Variants in RSPO2 observed in about 807,000 individuals in gnomAD.
The protein encoded by RSPO2 is R-spondin-2.
In RSPO2, 14 loss-of-function variants were observed where a neutral mutation model predicts 30.9. That is an observed-to-expected ratio of 0.45 (90% CI 0.30 to 0.71). The LOEUF (loss-of-function observed/expected upper bound fraction) is 0.71. Ranked by LOEUF, RSPO2 falls within the 30% of genes least tolerant of loss-of-function variation. The pLI, the probability that RSPO2 is intolerant of heterozygous loss-of-function variation, is 0.08. For missense variants in RSPO2, 264 were observed against 301.9 expected, an observed-to-expected ratio of 0.87 and a Z score of 0.93; for synonymous variants, 107 against 96.4, an observed-to-expected ratio of 1.11 and a Z score of -0.64.
At chr8:108,066,640 G>A (rs759960891) in intron 2 of RSPO2, among the ~76,000 whole-genome samples, 3 of 151,962 alleles carry the variant, frequency 2.0e-5, no homozygotes, top group Non-Finnish European at 4.4e-5. Context: ...TAAAATGGAA[G>A]AAAATAAGCT....
intron 2 of RSPO2, among the ~76,000 whole-genome samples, chr8:108,035,308 T>G (rs982807950): frequency 4.6e-5 from 7 of 152,304 alleles, no homozygotes; most frequent in South Asian, 4.1e-4. Context: ...ACTCTTTTTT[T>G]GGGGGGTTTT....
intron 2 of RSPO2, among the ~76,000 whole-genome samples, chr8:108,000,061 C>A (rs1247755721): frequency 2.0e-5 from 3 of 152,150 alleles, no homozygotes; most frequent in African/African-American, 7.2e-5. Flanking sequence ...TAAGACGTCA[C>A]AGGGCAGCTC....
At chr8:108,003,234 T>A (rs1455695162) in intron 2 of RSPO2, among the ~76,000 whole-genome samples, 2 of 44,460 alleles carry the variant, frequency 4.5e-5, no homozygotes, top group African/African-American at 5.6e-4. Context: ...TATGTGTGTG[T>A]ATATATGTAT....
chr8:108,078,611 T>C (rs1173262537), intron 2 of RSPO2, among the ~76,000 whole-genome samples: 4 of 152,170 alleles, frequency 2.6e-5, no homozygotes, highest in Non-Finnish European at 5.9e-5. Flanking sequence ...TAAGAGAAAA[T>C]GTTTGCTTTC....
chr8:108,012,197 A>G (rs527641138), intron 2 of RSPO2, among the ~76,000 whole-genome samples: 2 of 152,302 alleles, frequency 1.3e-5, no homozygotes, highest in Non-Finnish European at 1.5e-5. Flanking sequence ...CTGGTTTTTT[A>G]AACTACAGCA....
intron 2 of RSPO2, among the ~76,000 whole-genome samples, chr8:108,009,964 A>G (rs1810646166): frequency 6.6e-6 from 1 of 152,094 alleles, no homozygotes; most frequent in African/African-American, 2.4e-5. Context: ...CAGGAGGATC[A>G]CTTGAGCTTG....
At chr8:107,985,615 T>C (rs1814597436) in intron 3 of RSPO2, among the ~76,000 whole-genome samples, 1 of 152,206 alleles carries the variant, frequency 6.6e-6, no homozygotes, top group Non-Finnish European at 1.5e-5. Context: ...TGTTGTTATC[T>C]TTGAGAGAAG....
At chr8:107,901,641 AAG>A (rs1164110351) in intron 5 of RSPO2, among the ~76,000 whole-genome samples, 1 of 152,248 alleles carries the variant, frequency 6.6e-6, no homozygotes, top group Non-Finnish European at 1.5e-5. Flanking sequence ...ATGGGGGAAA[AAG>A]AGTCTTGCTT....
At chr8:107,919,954 T>G (rs1019300585) in intron 5 of RSPO2, among the ~76,000 whole-genome samples, 1 of 152,154 alleles carries the variant, frequency 6.6e-6, no homozygotes, top group African/African-American at 2.4e-5. Context: ...CATTTTTCAC[T>G]GAACAGCAAA....
At chr8:108,036,938 A>G (rs190231132) in intron 2 of RSPO2, among the ~76,000 whole-genome samples, 94 of 152,284 alleles carry the variant, frequency 6.2e-4, no homozygotes, top group Middle Eastern at 3.4e-3. Context: ...AACTTGACCA[A>G]TCAATGTTGT....
chr8:107,976,387 TA>T (rs1270061458), intron 3 of RSPO2, among the ~76,000 whole-genome samples: 1 of 152,246 alleles, frequency 6.6e-6, no homozygotes, highest in African/African-American at 2.4e-5. Context: ...GGTAGGTTTG[TA>T]AACCTCTCTG....
intron 2 of RSPO2, among the ~76,000 whole-genome samples, chr8:108,033,291 G>A (rs1038098442): frequency 4.6e-5 from 7 of 152,016 alleles, no homozygotes; most frequent in Non-Finnish European, 1.0e-4. Flanking sequence ...CAATGTGAGC[G>A]GATATTTCTA....
rs1180030558 is a variant in RSPO2, at chr8:107,940,247, G to A, written c.616+17833C>T. Among the ~76,000 whole-genome samples the A allele has an allele frequency of 2.0e-5, 3 of 152,126 alleles. No homozygotes were observed. In the East Asian group the frequency reaches 5.8e-4, roughly 29 times the overall value. On this transcript the variant is annotated intron_variant, in intron 5 of 5. Coordinates refer to ENST00000276659, the MANE Select transcript of RSPO2 (RefSeq NM_178565.5). ...CTTAGCAGATAAAGTGTTGGATTTT[G>A]CCTTAAAGGAACTCAAAATGTAAAA...
At position 107,953,683 on chromosome 8, in the gene RSPO2, C is replaced by T. The variant is rs549956240; in HGVS notation, c.616+4397G>A. ...AGCAGCAGGATGATGGTCCTACTCT[C>T]GGTTCTACCACTAGTAACTTGTTAG... On this transcript the variant is annotated intron_variant, in intron 5 of 5. Transcript: ENST00000276659. 3.2e-4 allele frequency among the ~76,000 whole-genome samples: 49 copies of T among 152,226 alleles called. No homozygotes were observed. In the South Asian group the frequency reaches 9.1e-3, roughly 28 times the overall value.
intron 5 of RSPO2, among the ~76,000 whole-genome samples, chr8:107,909,608 T>G (rs1811758079): frequency 1.3e-5 from 2 of 152,174 alleles, no homozygotes; most frequent in African/African-American, 4.8e-5. Flanking sequence ...ATTGAGTCAT[T>G]TTGCAAGGAA....
intron 5 of RSPO2, among the ~76,000 whole-genome samples, chr8:107,920,032 C>T (rs1217636252): frequency 6.6e-6 from 1 of 152,016 alleles, no homozygotes; most frequent in Non-Finnish European, 1.5e-5. Flanking sequence ...AGGGACAGGG[C>T]AAGACTTATC....
At chr8:107,913,462 A>G (rs1811883595) in intron 5 of RSPO2, among the ~76,000 whole-genome samples, 1 of 152,184 alleles carries the variant, frequency 6.6e-6, no homozygotes, top group Non-Finnish European at 1.5e-5. Context: ...CATTTGCCAA[A>G]ATAGTCTCTA....
chr8:107,925,458 GGTTT>G (rs2130324340), intron 5 of RSPO2, among the ~76,000 whole-genome samples: 1 of 151,756 alleles, frequency 6.6e-6, no homozygotes, highest in African/African-American at 2.4e-5. Flanking sequence ...ACAACGTGCA[GGTTT>G]GTTACATATG....
intron 3 of RSPO2, among the ~76,000 whole-genome samples, chr8:107,967,980 T>A (rs985282845): frequency 7.2e-5 from 11 of 152,106 alleles, no homozygotes; most frequent in African/African-American, 2.7e-4. Context: ...TTCAGAGGCT[T>A]AATCAGTGCA....
Sources: gnomAD v4.1 joint callset for allele counts (sites outside exome capture counted in the v4.1 genomes callset) on GRCh38, gnomAD v4.1.1 for gene constraint, MANE v1.5 for transcripts, NCBI Gene and HGNC (gene_info 2026-07-23, HGNC 2026-07-21) for gene names.